Variants in TNIK observed in about 807,000 individuals in gnomAD.
TNIK encodes TRAF2 and NCK interacting kinase.
Under a neutral mutation model 191.3 loss-of-function variants are expected in TNIK, and 49 were observed. The observed-to-expected ratio is 0.26, with a 90% CI of 0.20 to 0.32. The LOEUF (loss-of-function observed/expected upper bound fraction) is 0.32. Among genes scored for constraint, TNIK ranks in the 10% least tolerant of loss-of-function variants. TNIK has a pLI of 1.00. For missense variants in TNIK, 1,155 were observed against 1,702.3 expected, an observed-to-expected ratio of 0.68 and a Z score of 5.66; for synonymous variants, 594 against 600.9, an observed-to-expected ratio of 0.99 and a Z score of 0.17.
At chr3:171,073,706 C>T (rs1205438696) in intron 28 of TNIK, among the ~76,000 whole-genome samples, 1 of 152,124 alleles carries the variant, frequency 6.6e-6, no homozygotes, top group African/African-American at 2.4e-5. Context: ...CATGAACACA[C>T]ATTTCTCAAA....
At chr3:171,301,516 T>C (rs371707440) in intron 2 of TNIK, among the ~76,000 whole-genome samples, 10 of 152,276 alleles carry the variant, frequency 6.6e-5, no homozygotes, top group African/African-American at 2.4e-4. Flanking sequence ...GGTTTCACCA[T>C]ATTGACCAGG....
rs769168794 is a variant in TNIK at position 171,063,849 on chromosome 3, C to T, written c.*32G>A. On this transcript the variant is annotated 3_prime_UTR_variant, in exon 33 of 33. Coordinates refer to ENST00000436636, the MANE Select transcript of TNIK (RefSeq NM_015028.4). ...TTATGTTCTTTTAAATTAGAAATAA[C>T]GCCATGAAGATAAGTGCCAAGTGCT... The T allele has an allele frequency of 5.6e-6, 9 of 1,600,928 alleles. No homozygotes were observed. The highest frequency in any genetic ancestry group is 2.2e-5 in the East Asian group (1 of 44,796).
Position 171,079,243 on chromosome 3 carries a change from G to A in TNIK, c.3448+275C>T, listed in dbSNP as rs147957584. ...GGTCCCACTGTCCTCATAGGCTTATGGCATTTTTATTCTTTTCTTGTCATT... is the reference window on the plus strand; with the variant it reads ...GGTCCCACTGTCCTCATAGGCTTATAGCATTTTTATTCTTTTCTTGTCATT... On this transcript the variant is annotated intron_variant, in intron 28 of 32. Transcript: ENST00000436636. 1.3e-3 allele frequency among the ~76,000 whole-genome samples: 191 copies of A among 152,226 alleles called. 1 individual carries two copies. Among genetic ancestry groups the A allele is most frequent in the African/African-American group, 4.4e-3 (181 of 41,520 alleles).
chr3:171,092,821 C>T (rs997949728), intron 23 of TNIK, among the ~76,000 whole-genome samples: 2 of 152,180 alleles, frequency 1.3e-5, no homozygotes, highest in African/African-American at 4.8e-5. Flanking sequence ...AGAGCAAAGT[C>T]TGCTATTAGA....
intron 7 of TNIK, among the ~76,000 whole-genome samples, chr3:171,186,332 A>G (rs918628455): frequency 2.0e-5 from 3 of 152,222 alleles, no homozygotes; most frequent in African/African-American, 7.2e-5. Context: ...TAAATCTGCA[A>G]AGAATCCCCA....
rs979146905 is a variant in TNIK at position 171,366,374 on chromosome 3, A to T, written c.123+3246T>A. Among the ~76,000 whole-genome samples, 1 of 152,216 alleles carries T rather than the reference A, an allele frequency of 6.6e-6. No homozygotes were observed. Among genetic ancestry groups the T allele is most frequent in the Non-Finnish European group, 1.5e-5 (1 of 68,038 alleles). On this transcript the variant is annotated intron_variant, in intron 2 of 32. Transcript: ENST00000436636. This position sits in a 1 kb window ranked among gnomAD's most constrained non-coding sequence, Gnocchi z 4.1. ...GGAATAAGCTAAAATTGGGAGTAAG[A>T]CTAGAAGCAACTTTGAAAAACTAAA... is the stretch of plus-strand genomic sequence containing the variant.
At chr3:171,126,225 AG>A in intron 16 of TNIK, 74 bp from the exon 17 acceptor site, 6 of 1,411,702 alleles carry the variant, frequency 4.3e-6, no homozygotes, top group Non-Finnish European at 4.6e-6. Flanking sequence ...AGTGAGCTGA[AG>A]GAAAAAAAAA....
At chr3:171,197,809 C>G (rs1020787462) in intron 4 of TNIK, among the ~76,000 whole-genome samples, 25 of 152,090 alleles carry the variant, frequency 1.6e-4, no homozygotes, top group Non-Finnish European at 4.4e-5. Context: ...CTATACATTG[C>G]TAATGGTAAT....
At chr3:171,113,734 A>T (rs977057962) in intron 18 of TNIK, among the ~76,000 whole-genome samples, 1 of 152,016 alleles carries the variant, frequency 6.6e-6, no homozygotes, top group Non-Finnish European at 1.5e-5. Flanking sequence ...AGCAGTATTC[A>T]TTCACTCAGT....
intron 1 of TNIK, among the ~76,000 whole-genome samples, chr3:171,388,010 T>G (rs1406728864): frequency 6.6e-6 from 1 of 152,094 alleles, no homozygotes; most frequent in Non-Finnish European, 1.5e-5. Flanking sequence ...GAGCAGATCT[T>G]TCCAAAGAAA....
intron 2 of TNIK, among the ~76,000 whole-genome samples, chr3:171,323,858 G>A (rs1755450394): frequency 6.6e-6 from 1 of 151,994 alleles, no homozygotes; most frequent in African/African-American, 2.4e-5. Flanking sequence ...GATTAAGATG[G>A]TATCTCCTTC....
At chr3:171,128,370 CACAT>C (rs1728762176) in intron 16 of TNIK, among the ~76,000 whole-genome samples, 1 of 152,214 alleles carries the variant, frequency 6.6e-6, no homozygotes, top group Admixed American at 6.5e-5. Flanking sequence ...ATAATGCACA[CACAT>C]ACACACACCT....
chr3:171,302,284 T>C (rs1323293469), intron 2 of TNIK, among the ~76,000 whole-genome samples: 4 of 152,142 alleles, frequency 2.6e-5, no homozygotes, highest in African/African-American at 7.2e-5. Context: ...AGGAGGTGCA[T>C]TCCTAGTTTG....
In TNIK at chr3:171,405,288, T is replaced by A. The variant is rs143441171; in HGVS notation, c.58-35603A>T. Among the ~76,000 whole-genome samples, 400 of 152,258 alleles carry A rather than the reference T, an allele frequency of 2.6e-3. 1 individual carries two copies. The highest frequency in any genetic ancestry group is 8.8e-3 in the African/African-American group (364 of 41,542). On this transcript the variant is annotated intron_variant, in intron 1 of 32. Coordinates refer to ENST00000436636, the MANE Select transcript of TNIK (RefSeq NM_015028.4). ...GATTGTTTAGATAAACAATGAAATG[T>A]CTCTTTAGCTCTGTAAAGAAAACCA...
chr3:171,326,911 C>T (rs1043961484), intron 2 of TNIK, among the ~76,000 whole-genome samples: 11 of 152,042 alleles, frequency 7.2e-5, no homozygotes, highest in Non-Finnish European at 1.5e-4. Context: ...CCAGAAAGTC[C>T]CCAACTCACA....
chr3:171,099,324 T>A (rs1370247669), intron 22 of TNIK, among the ~76,000 whole-genome samples: 9 of 152,046 alleles, frequency 5.9e-5, no homozygotes, highest in African/African-American at 2.2e-4. Flanking sequence ...CAACTTTCTG[T>A]GTCTTTACTT....
intron 28 of TNIK, among the ~76,000 whole-genome samples, chr3:171,078,904 C>G (rs905600510): frequency 4.6e-5 from 7 of 152,166 alleles, no homozygotes; most frequent in Non-Finnish European, 8.8e-5. Flanking sequence ...ATCATATTGG[C>G]TGTGCAAACC....
At chr3:171,435,170 T>C (rs966747407) in intron 1 of TNIK, among the ~76,000 whole-genome samples, 1 of 152,204 alleles carries the variant, frequency 6.6e-6, no homozygotes, top group African/African-American at 2.4e-5. Flanking sequence ...GAAGATATCT[T>C]TTTACATATT....
chr3:171,139,651 G>T, intron 13 of TNIK, 95 bp from the exon 14 acceptor site: 1 of 1,217,512 alleles, frequency 8.2e-7, no homozygotes, highest in Non-Finnish European at 1.2e-6. Context: ...TAAGTAAAGT[G>T]TAGAAGGAAG....
Sources: gnomAD v4.1 joint callset for allele counts (sites outside exome capture counted in the v4.1 genomes callset) on GRCh38, gnomAD v4.1.1 for gene constraint, Gnocchi (gnomAD v3.1) non-coding constraint, MANE v1.5 for transcripts, NCBI Gene and HGNC (gene_info 2026-07-23, HGNC 2026-07-21) for gene names.